DPP10: variants seen among roughly 807,000 people sequenced by gnomAD.
DPP10 encodes inactive dipeptidyl peptidase 10.
DPP10 carries 33 observed loss-of-function variants against 120.9 expected under a neutral mutation model. The ratio of observed to expected loss-of-function variants is 0.27; its 90% CI spans 0.21 to 0.37. The LOEUF is 0.37. DPP10 is among the 10% of genes least tolerant of loss of function. The pLI is 1.00. For synonymous variants in DPP10, 337 were observed against 326.1 expected, an observed-to-expected ratio of 1.03 and a Z score of -0.36; for missense variants, 816 against 942.8, an observed-to-expected ratio of 0.87 and a Z score of 1.76.
chr2:114,525,926 A>G (rs1194406527), intron 1 of DPP10, among the ~76,000 whole-genome samples: 1 of 152,206 alleles, frequency 6.6e-6, no homozygotes, highest in Non-Finnish European at 1.5e-5. Flanking sequence ...CCTAAACAGT[A>G]GCTCTTCTTT....
At chr2:114,885,818 T>C (rs1242378333) in intron 1 of DPP10, among the ~76,000 whole-genome samples, 1 of 152,246 alleles carries the variant, frequency 6.6e-6, no homozygotes. Context: ...GACTTCCTAG[T>C]TGCAATCCAA....
chr2:115,318,227 C>T (rs1215314912), intron 2 of DPP10, among the ~76,000 whole-genome samples: 1 of 151,950 alleles, frequency 6.6e-6, no homozygotes, highest in Non-Finnish European at 1.5e-5. Flanking sequence ...TTGTGTGAAC[C>T]TTCCTTGGTT....
At chr2:115,261,213 A>T (rs980379243) in intron 1 of DPP10, among the ~76,000 whole-genome samples, 1 of 152,208 alleles carries the variant, frequency 6.6e-6, no homozygotes, top group Non-Finnish European at 1.5e-5. Flanking sequence ...CGCCGGATCT[A>T]TGCCATTTTG....
chr2:114,897,645 T>G (rs1214479888), intron 1 of DPP10, among the ~76,000 whole-genome samples: 1 of 150,932 alleles, frequency 6.6e-6, no homozygotes, highest in Non-Finnish European at 1.5e-5. Flanking sequence ...TCAAACAAAT[T>G]TACAAGAAAA....
At chr2:115,696,347 A>G (rs981535162) in intron 7 of DPP10, among the ~76,000 whole-genome samples, 37 of 152,290 alleles carry the variant, frequency 2.4e-4, no homozygotes, top group African/African-American at 8.2e-4. Context: ...TTTTGAAAGC[A>G]ACCTGAGAGA....
chr2:114,599,691 A>G (rs1363289835), intron 1 of DPP10, among the ~76,000 whole-genome samples: 1 of 151,742 alleles, frequency 6.6e-6, no homozygotes, highest in African/African-American at 2.4e-5. Context: ...AATTTCTGTG[A>G]ACGTACACCT....
intron 1 of DPP10, among the ~76,000 whole-genome samples, chr2:114,616,755 T>C (rs940581085): frequency 2.0e-5 from 3 of 152,102 alleles, no homozygotes; most frequent in African/African-American, 7.2e-5. Flanking sequence ...ATTGAGTCTT[T>C]ACATGGTGTC....
At chr2:114,789,670 C>T (rs1220077748) in intron 1 of DPP10, among the ~76,000 whole-genome samples, 3 of 151,966 alleles carry the variant, frequency 2.0e-5, no homozygotes, top group Admixed American at 1.3e-4. Flanking sequence ...GAAAGAGAGA[C>T]GACAGAAAAA....
intron 1 of DPP10, among the ~76,000 whole-genome samples, chr2:114,928,153 G>A (rs1281602876): frequency 2.6e-5 from 4 of 152,184 alleles, no homozygotes; most frequent in Middle Eastern, 3.2e-3. Flanking sequence ...CACTTTGCAA[G>A]ATAAAATCAT....
At chr2:115,744,932 T>A (rs570061476) in intron 9 of DPP10, among the ~76,000 whole-genome samples, 9 of 150,700 alleles carry the variant, frequency 6.0e-5, no homozygotes, top group African/African-American at 2.2e-4. Flanking sequence ...ATCATAAGGA[T>A]AATGGCATAT....
intron 3 of DPP10, among the ~76,000 whole-genome samples, chr2:115,443,560 T>A (rs1405431938): frequency 6.6e-6 from 1 of 152,200 alleles, no homozygotes; most frequent in African/African-American, 2.4e-5. Flanking sequence ...TAGGATATAC[T>A]GTAGGTAAGG....
At chr2:115,798,559 A>G (rs920081204) in intron 19 of DPP10, among the ~76,000 whole-genome samples, 2 of 152,104 alleles carry the variant, frequency 1.3e-5, no homozygotes, top group Non-Finnish European at 2.9e-5. Flanking sequence ...TGTGTCTATG[A>G]TGATGGGAGG....
intron 1 of DPP10, among the ~76,000 whole-genome samples, chr2:114,462,449 G>A (rs968738264): frequency 1.3e-5 from 2 of 151,812 alleles, no homozygotes; most frequent in African/African-American, 2.4e-5. Context: ...CTTTCTTTTC[G>A]ACAACCTTGG....
At chr2:114,580,998 C>T (rs188335159) in intron 1 of DPP10, among the ~76,000 whole-genome samples, 1 of 152,020 alleles carries the variant, frequency 6.6e-6, no homozygotes, top group African/African-American at 2.4e-5. Flanking sequence ...AAAAGATTAC[C>T]AGGTTTCCTT....
At chr2:114,512,939 C>A (rs760364270) in intron 1 of DPP10, among the ~76,000 whole-genome samples, 2 of 151,968 alleles carry the variant, frequency 1.3e-5, no homozygotes, top group African/African-American at 2.4e-5. Context: ...AAATGCAGAT[C>A]ATTGACTGAA....
intron 3 of DPP10, among the ~76,000 whole-genome samples, chr2:115,498,747 C>T (rs553026536): frequency 6.7e-6 from 1 of 148,898 alleles, no homozygotes; most frequent in Non-Finnish European, 1.5e-5. Context: ...TCCAGAGTAT[C>T]CTTATATCCT....
intron 1 of DPP10, among the ~76,000 whole-genome samples, chr2:114,538,814 C>A (rs1686719244): frequency 6.6e-6 from 1 of 152,192 alleles, no homozygotes; most frequent in Non-Finnish European, 1.5e-5. Context: ...GTCCAACTTG[C>A]AGTAGGTGCA....
intron 5 of DPP10, among the ~76,000 whole-genome samples, chr2:115,617,351 GTAT>G (rs1022140743): frequency 6.9e-6 from 1 of 145,854 alleles, no homozygotes; most frequent in African/African-American, 2.5e-5. Context: ...ATGAAAACAT[GTAT>G]ACATATATAT....
intron 1 of DPP10, among the ~76,000 whole-genome samples, chr2:115,074,679 A>C (rs1305537421): frequency 6.6e-6 from 1 of 152,176 alleles, no homozygotes. Context: ...GAAGGTAATG[A>C]GGGTTGTCCG....
Sources: gnomAD v4.1 joint callset for allele counts (sites outside exome capture counted in the v4.1 genomes callset) on GRCh38, gnomAD v4.1.1 for gene constraint, MANE v1.5 for transcripts, NCBI Gene and HGNC (gene_info 2026-07-23, HGNC 2026-07-21) for gene names.